The following TAOK3 variants were observed in gnomAD, a reference collection of about 807,000 sequenced individuals.
TAOK3 encodes the protein serine/threonine-protein kinase TAO3.
TAOK3 carries 40 observed loss-of-function variants against 120.4 expected under a neutral mutation model. That is an observed-to-expected ratio of 0.33 (90% confidence interval 0.26 to 0.43). TAOK3 has a LOEUF of 0.43. Among genes scored for constraint, TAOK3 ranks in the 20% least tolerant of loss-of-function variants. The pLI is 1.00. For missense variants in TAOK3, 821 were observed against 1,112.1 expected, an observed-to-expected ratio of 0.74 and a Z score of 3.72; for synonymous variants, 355 against 387.5, an observed-to-expected ratio of 0.92 and a Z score of 0.99.
At chr12:118,240,385 G>T (rs1287756560) in intron 5 of TAOK3, among the ~76,000 whole-genome samples, 1 of 151,866 alleles carries the variant, frequency 6.6e-6, no homozygotes, top group Non-Finnish European at 1.5e-5. Flanking sequence ...CTCCATGTTG[G>T]TCAGGCTGGT....
chr12:118,213,226 T>C (rs2038718245), intron 10 of TAOK3, among the ~76,000 whole-genome samples: 1 of 152,186 alleles, frequency 6.6e-6, no homozygotes, highest in Non-Finnish European at 1.5e-5. Flanking sequence ...TCTTAATATA[T>C]AAGGAAGGTC....
chr12:118,175,985 C>G (rs2036299365), intron 16 of TAOK3, among the ~76,000 whole-genome samples: 1 of 152,180 alleles, frequency 6.6e-6, no homozygotes, highest in African/African-American at 2.4e-5. Context: ...ATGGTCTGTG[C>G]TCTTATGATG....
At chr12:118,203,270 T>C (rs779873310) in intron 11 of TAOK3, among the ~76,000 whole-genome samples, 1 of 151,928 alleles carries the variant, frequency 6.6e-6, no homozygotes, top group Non-Finnish European at 1.5e-5. Flanking sequence ...AAAAAAAGGG[T>C]CTCTGAGGAG....
At chr12:118,157,460 A>G (rs552425915) in intron 19 of TAOK3, among the ~76,000 whole-genome samples, 3 of 152,274 alleles carry the variant, frequency 2.0e-5, no homozygotes, top group Admixed American at 6.5e-5. Context: ...CTAGTTCCCT[A>G]CATCCCAAAC....
intron 1 of TAOK3, among the ~76,000 whole-genome samples, chr12:118,281,399 T>C (rs1193930276): frequency 6.6e-6 from 1 of 152,204 alleles, no homozygotes; most frequent in African/African-American, 2.4e-5. Flanking sequence ...AGGATGCCTA[T>C]GGACACCTTC....
At chr12:118,244,764 G>T in intron 4 of TAOK3, 130 bp downstream of exon 4, 1 of 595,114 alleles carries the variant, frequency 1.7e-6, no homozygotes, top group Admixed American at 2.5e-5. Context: ...TCCCGACCTC[G>T]TGAGCCGCCC....
intron 9 of TAOK3, among the ~76,000 whole-genome samples, chr12:118,216,928 C>CAAAAAAAAAAA (rs11298822): frequency 1.8e-4 from 16 of 89,906 alleles, no homozygotes; most frequent in African/African-American, 2.1e-4. Flanking sequence ...GACTCCATCT[C>CAAAAAAAAAAA]AAAAAAAAAA....
chr12:118,168,574 G>A, intron 17 of TAOK3, among the ~76,000 whole-genome samples: 1 of 152,126 alleles, frequency 6.6e-6, no homozygotes, highest in East Asian at 1.9e-4. Context: ...ATGTTCTTGA[G>A]TTACTTTTGT....
chr12:118,197,877 CG>C (rs2037812472), intron 13 of TAOK3, among the ~76,000 whole-genome samples: 1 of 151,724 alleles, frequency 6.6e-6, no homozygotes. Context: ...TTAGTAGAGA[CG>C]GGGTTTCACC....
chr12:118,312,418 G>C (rs1338839769), intron 1 of TAOK3, among the ~76,000 whole-genome samples: 13 of 152,052 alleles, frequency 8.5e-5, no homozygotes, highest in African/African-American at 3.1e-4. Context: ...TTAGATAATA[G>C]TTACCCATAA....
At position 118,161,328 on chromosome 12, in the gene TAOK3, C is replaced by T. The variant is rs1226047413; in HGVS notation, c.2139+460G>A. Among the ~76,000 whole-genome samples, 1 of 152,180 alleles carries T rather than the reference C, an allele frequency of 6.6e-6. No individual in the cohort carries two copies. Among genetic ancestry groups the T allele is most frequent in the Non-Finnish European group, 1.5e-5 (1 of 68,042 alleles). On this transcript the variant is annotated intron_variant, in intron 18 of 20. Transcript: ENST00000392533. The surrounding 1 kb of genome is among the most constrained non-coding windows in gnomAD (Gnocchi z 4.5). ...TAGTGCAGAAGTGGTAAATGCCTGG[C>T]ACTTATAGATTCATTCCTGATGACC...
intron 1 of TAOK3, among the ~76,000 whole-genome samples, chr12:118,355,938 G>A (rs903589850): frequency 6.6e-6 from 1 of 152,120 alleles, no homozygotes; most frequent in African/African-American, 2.4e-5. Flanking sequence ...GCTAGTAGGT[G>A]GCAGACATGT....
At chr12:118,208,061 G>T (rs2038429395) in intron 11 of TAOK3, among the ~76,000 whole-genome samples, 1 of 151,620 alleles carries the variant, frequency 6.6e-6, no homozygotes, top group South Asian at 2.1e-4. Flanking sequence ...AAATGTTATT[G>T]TCCATCTACT....
intron 1 of TAOK3, among the ~76,000 whole-genome samples, chr12:118,362,855 T>C (rs2045639245): frequency 6.6e-6 from 1 of 151,314 alleles, no homozygotes. Flanking sequence ...CCGTCTCTAC[T>C]AAAAACACAA....
chr12:118,191,211 A>G (rs1439892219), intron 13 of TAOK3, among the ~76,000 whole-genome samples: 4 of 152,214 alleles, frequency 2.6e-5, no homozygotes, highest in Admixed American at 6.5e-5. Flanking sequence ...GCCAAGACCC[A>G]AGATTAAATT....
At chr12:118,191,867 G>A (rs951376428) in intron 13 of TAOK3, among the ~76,000 whole-genome samples, 1 of 152,168 alleles carries the variant, frequency 6.6e-6, no homozygotes, top group African/African-American at 2.4e-5. Context: ...GATATGCTAG[G>A]TAGAGGCCTG....
chr12:118,289,827 C>T (rs979163309), intron 1 of TAOK3, among the ~76,000 whole-genome samples: 6 of 152,004 alleles, frequency 3.9e-5, no homozygotes. Context: ...AAACCCCCAT[C>T]TCTACTAAAA....
chr12:118,199,317 G>T, intron 12 of TAOK3, 60 bp from the exon 13 acceptor site: 2 of 1,363,408 alleles, frequency 1.5e-6, no homozygotes, highest in South Asian at 1.2e-5. Flanking sequence ...TCAATCCATT[G>T]ACAAAAGTGT....
In TAOK3 at chr12:118,160,152, A is replaced by C; in HGVS notation, c.2346T>G (p.Ser782=). 6.2e-7 allele frequency: 1 copy of C among 1,613,798 alleles called. No individual in the cohort carries two copies. The highest frequency in any genetic ancestry group is 8.5e-7 in the Non-Finnish European group (1 of 1,179,652). ...YEQSINEMMA[S]QALRLDEAQE... is the part of the protein sequence containing the mutation. The stretch of plus-strand genomic sequence containing the variant: ...ACCAAACCTAACCACTTACCGCTTG[A>C]GAGGCCATCATTTCATTTATACTCT... The change falls in exon 19 of 21, where the codon TCT becomes TCG. Residue 782 remains serine, a synonymous_variant. Transcript: ENST00000392533. The surrounding 1 kb of genome is among the most constrained non-coding windows in gnomAD (Gnocchi z 4.2).
Sources: gnomAD v4.1 joint callset for allele counts (sites outside exome capture counted in the v4.1 genomes callset) on GRCh38, gnomAD v4.1.1 for gene constraint, Gnocchi (gnomAD v3.1) non-coding constraint, MANE v1.5 for transcripts, NCBI Gene and HGNC (gene_info 2026-07-23, HGNC 2026-07-21) for gene names.